The following MSRA variants were observed in gnomAD, a reference collection of about 807,000 sequenced individuals.
MSRA encodes the protein mitochondrial peptide methionine sulfoxide reductase.
In MSRA, 54 loss-of-function variants were observed where a neutral mutation model predicts 31.3. The observed-to-expected ratio is 1.73, with a 90% CI of 1.39 to 2.17. MSRA has a LOEUF of 2.17. Ranked by LOEUF, MSRA falls within the 30% of genes most tolerant of loss-of-function variation. MSRA has a pLI of 0.00. For missense variants in MSRA, 507 were observed against 300.9 expected, an observed-to-expected ratio of 1.69 and a Z score of -5.07; for synonymous variants, 169 against 116.5, an observed-to-expected ratio of 1.45 and a Z score of -2.90.
At chr8:10,380,968 G>T (rs955767441) in intron 5 of MSRA, among the ~76,000 whole-genome samples, 25 of 152,042 alleles carry the variant, frequency 1.6e-4, no homozygotes, top group African/African-American at 5.8e-4. Context: ...TGGACGGATG[G>T]GTAGAAGGAT....
intron 5 of MSRA, among the ~76,000 whole-genome samples, chr8:10,334,524 G>A (rs868602428): frequency 6.6e-6 from 1 of 152,086 alleles, no homozygotes; most frequent in African/African-American, 2.4e-5. Context: ...GTGCGTTTGC[G>A]TTTCAAATTC....
chr8:10,258,535 C>A (rs563666892), intron 3 of MSRA, among the ~76,000 whole-genome samples: 1 of 152,292 alleles, frequency 6.6e-6, no homozygotes, highest in East Asian at 1.9e-4. Context: ...TGTCACATCC[C>A]CTCATGCGTT....
At chr8:10,233,926 T>A (rs1311332460) in intron 2 of MSRA, among the ~76,000 whole-genome samples, 1 of 152,130 alleles carries the variant, frequency 6.6e-6, no homozygotes, top group African/African-American at 2.4e-5. Context: ...TATTAATAAC[T>A]GTAGAAAGAA....
intron 2 of MSRA, among the ~76,000 whole-genome samples, chr8:10,223,666 G>C (rs79606609): frequency 2.0e-5 from 3 of 152,310 alleles, no homozygotes; most frequent in African/African-American, 4.8e-5. Flanking sequence ...CAGAAGCCCA[G>C]ACAGATACTG....
intron 1 of MSRA, among the ~76,000 whole-genome samples, chr8:10,144,749 T>G (rs1056372383): frequency 3.9e-5 from 6 of 152,166 alleles, no homozygotes; most frequent in African/African-American, 1.2e-4. Context: ...CCTTTTTTTT[T>G]CTCTTTGCCT....
chr8:10,218,452 C>G (rs1810197626), intron 2 of MSRA, among the ~76,000 whole-genome samples: 1 of 152,080 alleles, frequency 6.6e-6, no homozygotes, highest in Non-Finnish European at 1.5e-5. Context: ...GCCCTGGTTC[C>G]TTTTCTTTTG....
At chr8:10,245,056 T>A (rs540796167) in intron 2 of MSRA, 48 bp from the exon 3 acceptor site, 1 of 1,594,448 alleles carries the variant, frequency 6.3e-7, no homozygotes, top group South Asian at 1.1e-5. Flanking sequence ...AATGACCACT[T>A]TGTTTTGAAT....
intron 2 of MSRA, among the ~76,000 whole-genome samples, chr8:10,238,105 C>G (rs1812106154): frequency 6.6e-6 from 1 of 152,160 alleles, no homozygotes. Context: ...CTACTTCCTC[C>G]TTGTTTATTC....
At chr8:10,260,247 G>C (rs1033017126) in intron 3 of MSRA, among the ~76,000 whole-genome samples, 2 of 152,188 alleles carry the variant, frequency 1.3e-5, no homozygotes, top group South Asian at 4.1e-4. Flanking sequence ...CTCCACTTCT[G>C]GTTGAGGGAT....
In MSRA at chr8:10,323,089, C is replaced by CAAAA. The variant is rs34539032; in HGVS notation, c.543+3116_543+3119dup. Among the ~76,000 whole-genome samples, 989 of 112,266 alleles carry CAAAA rather than the reference C, an allele frequency of 8.8e-3. 28 individuals are homozygous for CAAAA. Among genetic ancestry groups the CAAAA allele is most frequent in the African/African-American group, 0.034 (936 of 27,214 alleles). The allele number at this position is 112,266 out of a possible 152,430, so 73.7% of individuals were successfully genotyped here. On this transcript the variant is annotated intron_variant, in intron 5 of 5. Transcript: ENST00000317173. ...TGGGCAACAGAGTGAGACTCCATCT[C>CAAAA]AAAAAAAAAAAAAAAAAAATGCAGA... is the stretch of plus-strand genomic sequence containing the variant.
At chr8:10,265,399 G>T (rs1474492245) in intron 3 of MSRA, among the ~76,000 whole-genome samples, 8 of 152,134 alleles carry the variant, frequency 5.3e-5, no homozygotes, top group Admixed American at 5.2e-4. Flanking sequence ...ACAAAGTGTG[G>T]TGGCTGCTGG....
chr8:10,197,031 G>A (rs893856828), intron 1 of MSRA, among the ~76,000 whole-genome samples: 2 of 152,200 alleles, frequency 1.3e-5, no homozygotes, highest in African/African-American at 4.8e-5. Context: ...ATAGCCATGT[G>A]TTTCAGTACA....
intron 5 of MSRA, among the ~76,000 whole-genome samples, chr8:10,332,833 T>C (rs1235631893): frequency 2.0e-5 from 3 of 152,256 alleles, no homozygotes; most frequent in Non-Finnish European, 4.4e-5. Context: ...TAATGGGCTT[T>C]ACATATTAAA....
intron 1 of MSRA, among the ~76,000 whole-genome samples, chr8:10,145,222 T>C (rs1262207036): frequency 6.6e-6 from 1 of 152,156 alleles, no homozygotes; most frequent in Non-Finnish European, 1.5e-5. Context: ...GGAGCACCTG[T>C]TCTATGTGGG....
intron 4 of MSRA, among the ~76,000 whole-genome samples, chr8:10,317,882 G>C (rs2129136500): frequency 6.6e-6 from 1 of 152,246 alleles, no homozygotes; most frequent in East Asian, 1.9e-4. Flanking sequence ...GCTCATGGGA[G>C]TCTGATCTTT....
chr8:10,367,032 T>C (rs1407180965), intron 5 of MSRA, among the ~76,000 whole-genome samples: 1 of 152,216 alleles, frequency 6.6e-6, no homozygotes, highest in Admixed American at 6.5e-5. Context: ...CCCAAAAATA[T>C]TGAATGGAAA....
chr8:10,064,821 G>C (rs760119268), intron 1 of MSRA, among the ~76,000 whole-genome samples: 1 of 152,156 alleles, frequency 6.6e-6, no homozygotes, highest in Non-Finnish European at 1.5e-5. Flanking sequence ...TCTTTGGCCT[G>C]CTGAAAAGAT....
chr8:10,291,899 G>T (rs925246070), intron 3 of MSRA, among the ~76,000 whole-genome samples: 2 of 152,144 alleles, frequency 1.3e-5, no homozygotes, highest in Admixed American at 1.3e-4. Flanking sequence ...CCTGGACTCG[G>T]ACTCTAGGCA....
In MSRA at chr8:10,371,986, T is replaced by C. The variant is rs74642109; in HGVS notation, c.543+51997T>C. 8.3e-4 allele frequency among the ~76,000 whole-genome samples: 126 copies of C among 151,680 alleles called. 1 individual carries two copies. The highest frequency in any genetic ancestry group is 3.0e-3 in the African/African-American group (125 of 41,364). ...AAGTCTTATCATCCTACACATGAGA[T>C]TGAATGATAGATCAAAGAGCCCCAG... On this transcript the variant is annotated intron_variant, in intron 5 of 5. Coordinates refer to ENST00000317173, the MANE Select transcript of MSRA (RefSeq NM_012331.5).
Sources: gnomAD v4.1 joint callset for allele counts (sites outside exome capture counted in the v4.1 genomes callset) on GRCh38, gnomAD v4.1.1 for gene constraint, MANE v1.5 for transcripts, NCBI Gene and HGNC (gene_info 2026-07-23, HGNC 2026-07-21) for gene names.